The following MRPL48 variants were observed in gnomAD, a reference collection of about 807,000 sequenced individuals.
The protein encoded by MRPL48 is large ribosomal subunit protein mL48.
In MRPL48, 16 loss-of-function variants were observed where a neutral mutation model predicts 32.9. The observed-to-expected ratio is 0.49, with a 90% CI of 0.33 to 0.74. The LOEUF (loss-of-function observed/expected upper bound fraction) is 0.74, where lower values mean the gene tolerates loss of function less well. Among genes scored for constraint, MRPL48 ranks in the 30% least tolerant of loss-of-function variants. The probability of loss-of-function intolerance (pLI) is 0.02; values close to 1 mark genes in which losing one functional copy is unlikely to be tolerated. For synonymous variants in MRPL48, 94 were observed against 89.2 expected, an observed-to-expected ratio of 1.05 and a Z score of -0.31; for missense variants, 206 against 245.3, an observed-to-expected ratio of 0.84 and a Z score of 1.07.
intron 1 of MRPL48, among the ~76,000 whole-genome samples, chr11:73,797,782 A>G (rs1431897836): frequency 6.6e-6 from 1 of 152,188 alleles, no homozygotes; most frequent in Non-Finnish European, 1.5e-5. Context: ...AAGTGGGTGA[A>G]ACAAGCCCAG....
intron 6 of MRPL48, 38 bp downstream of exon 6, chr11:73,860,047 T>C (rs774192149): frequency 1.2e-4 from 187 of 1,533,538 alleles, no homozygotes; most frequent in Non-Finnish European, 7.0e-5. Flanking sequence ...TATTTGCTTC[T>C]CCTGGTTCTT....
chr11:73,805,133 A>C, intron 2 of MRPL48, 54 bp downstream of exon 2: 1 of 1,436,566 alleles, frequency 7.0e-7, no homozygotes, highest in East Asian at 2.5e-5. Context: ...CTTTGGCTTC[A>C]TAGTTCACAC....
chr11:73,794,465 G>A (rs1188792715), intron 1 of MRPL48, among the ~76,000 whole-genome samples: 2 of 150,852 alleles, frequency 1.3e-5, no homozygotes, highest in Non-Finnish European at 2.9e-5. Flanking sequence ...TGAGGCAGGA[G>A]AATCACTTGA....
At chr11:73,822,527 G>A (rs1947801815) in intron 3 of MRPL48, among the ~76,000 whole-genome samples, 1 of 152,176 alleles carries the variant, frequency 6.6e-6, no homozygotes, top group Non-Finnish European at 1.5e-5. Context: ...GCATATCGTG[G>A]AAGGGATCCA....
chr11:73,835,962 G>T (rs1367455206), intron 4 of MRPL48, among the ~76,000 whole-genome samples: 2 of 151,894 alleles, frequency 1.3e-5, no homozygotes, highest in African/African-American at 2.4e-5. Flanking sequence ...TTGAGACAGG[G>T]TCTCACTGTC....
At chr11:73,824,595 A>AT (rs200362319) in intron 3 of MRPL48, among the ~76,000 whole-genome samples, 5 of 152,026 alleles carry the variant, frequency 3.3e-5, no homozygotes, top group Admixed American at 3.3e-4. Context: ...AAAAAAAAAA[A>AT]CAAAAAAACT....
intron 1 of MRPL48, among the ~76,000 whole-genome samples, chr11:73,790,488 C>T (rs1256385438): frequency 6.7e-6 from 1 of 149,382 alleles, no homozygotes; most frequent in African/African-American, 2.5e-5. Context: ...GGGTTCACGC[C>T]ATTCTTCTGC....
At chr11:73,832,196 A>G (rs1948009201) in intron 4 of MRPL48, among the ~76,000 whole-genome samples, 1 of 152,178 alleles carries the variant, frequency 6.6e-6, no homozygotes, top group Non-Finnish European at 1.5e-5. Context: ...AGTTAGGTAT[A>G]TCTTCTGTAA....
At chr11:73,849,636 A>G (rs1304466157) in intron 5 of MRPL48, among the ~76,000 whole-genome samples, 2 of 152,338 alleles carry the variant, frequency 1.3e-5, no homozygotes, top group Non-Finnish European at 1.5e-5. Context: ...GATGTACCAC[A>G]GTTTATTCCT....
chr11:73,808,245 T>A, intron 2 of MRPL48, 68 bp from the exon 3 acceptor site: 1 of 1,444,200 alleles, frequency 6.9e-7, no homozygotes, highest in South Asian at 1.2e-5. Flanking sequence ...AGAATATAAA[T>A]TTTGCAAACT....
rs116700136 is a variant in MRPL48, at chr11:73,839,172, A to G, written c.202-5635A>G. Among the ~76,000 whole-genome samples, 748 of 152,296 alleles carry G rather than the reference A, an allele frequency of 4.9e-3. 8 individuals carry two copies. Among genetic ancestry groups the G allele is most frequent in the African/African-American group, 0.016 (682 of 41,556 alleles). On this transcript the variant is annotated intron_variant, in intron 4 of 7. Transcript: ENST00000310614. ...TCATCAGTATTACTGGCCTTGTAAA[A>G]GGACCATTTCTTTGTCTTCTCTGTG...
At chr11:73,852,012 A>C (rs375488338) in intron 5 of MRPL48, among the ~76,000 whole-genome samples, 1 of 152,150 alleles carries the variant, frequency 6.6e-6, no homozygotes, top group African/African-American at 2.4e-5. Flanking sequence ...GTGAAAGATA[A>C]ACTGCAATTA....
intron 4 of MRPL48, among the ~76,000 whole-genome samples, chr11:73,844,169 C>T (rs1948243423): frequency 6.6e-6 from 1 of 151,974 alleles, no homozygotes; most frequent in South Asian, 2.1e-4. Context: ...GGTGCTCACA[C>T]CTGTAATCCT....
chr11:73,846,670 T>C (rs944242163), intron 5 of MRPL48, among the ~76,000 whole-genome samples: 1 of 151,518 alleles, frequency 6.6e-6, no homozygotes, highest in African/African-American at 2.4e-5. Flanking sequence ...CTTTCTTTTT[T>C]TTTTTTTTCT....
At chr11:73,851,662 G>A (rs1227484719) in intron 5 of MRPL48, among the ~76,000 whole-genome samples, 1 of 152,068 alleles carries the variant, frequency 6.6e-6, no homozygotes, top group Non-Finnish European at 1.5e-5. Flanking sequence ...TCTGGATGGG[G>A]ACTGTGTTCT....
chr11:73,825,967 C>T (rs1947882245), intron 4 of MRPL48, among the ~76,000 whole-genome samples, 171 bp downstream of exon 4: 1 of 152,212 alleles, frequency 6.6e-6, no homozygotes. Flanking sequence ...TTTCTACCAA[C>T]TTCCAATCTT....
chr11:73,795,828 T>C (rs1289055633), intron 1 of MRPL48, among the ~76,000 whole-genome samples: 1 of 152,138 alleles, frequency 6.6e-6, no homozygotes, highest in African/African-American at 2.4e-5. Context: ...AAGTAGATAA[T>C]TTAATGGTTT....
intron 5 of MRPL48, among the ~76,000 whole-genome samples, chr11:73,845,357 A>G (rs1325956673): frequency 1.3e-5 from 2 of 152,230 alleles, no homozygotes; most frequent in Non-Finnish European, 2.9e-5. Context: ...TTTTAGTGGT[A>G]AAATACACAT....
intron 4 of MRPL48, among the ~76,000 whole-genome samples, chr11:73,827,800 A>G (rs1356373440): frequency 6.6e-6 from 1 of 152,178 alleles, no homozygotes; most frequent in Non-Finnish European, 1.5e-5. Context: ...CAGGAGAAGA[A>G]CATTACCACC....
Sources: allele counts gnomAD v4.1 joint callset (sites outside exome capture counted in the v4.1 genomes callset), GRCh38; gene constraint gnomAD v4.1.1; transcripts MANE v1.5; gene names NCBI Gene and HGNC (gene_info 2026-07-23, HGNC 2026-07-21).